The following PDZRN4 variants were observed in gnomAD, a reference collection of about 807,000 sequenced individuals.
PDZRN4 encodes PDZ domain-containing RING finger protein 4.
PDZRN4 carries 70 observed loss-of-function variants against 99.0 expected under a neutral mutation model. That is an observed-to-expected ratio of 0.71 (90% CI 0.58 to 0.86). PDZRN4 has a LOEUF of 0.86. Ranked by LOEUF, PDZRN4 falls within the 40% of genes least tolerant of loss-of-function variation. PDZRN4 has a pLI of 0.00. For missense variants in PDZRN4, 1,474 were observed against 1,331.2 expected (o/e 1.11, Z -1.67); for synonymous variants, 551 against 501.6 (o/e 1.10, Z -1.32).
chr12:41,246,366 A>G (rs1951133847), intron 3 of PDZRN4, among the ~76,000 whole-genome samples: 1 of 152,220 alleles, frequency 6.6e-6, no homozygotes, highest in African/African-American at 2.4e-5. Flanking sequence ...CTATATTGAA[A>G]AGCTGTCATT....
chr12:41,573,013 G>T lies in PDZRN4; in HGVS notation c.2234G>T (p.Cys745Phe). 6.2e-7 allele frequency: 1 copy of T among 1,614,158 alleles called. No homozygotes were observed. Among genetic ancestry groups the T allele is most frequent in the South Asian group, 1.1e-5 (1 of 91,082 alleles). The change falls in exon 10 of 10, where the codon TGC becomes TTC. Residue 745 changes from cysteine (C) to phenylalanine (F), a missense_variant. Transcript: ENST00000402685. Reference sequence around the variant, plus strand: ...AGTGCTTACAACACAGCTGAGAGCTGCAGAAGTACTCCGCTCACTGTAGAC... The same window carrying T: ...AGTGCTTACAACACAGCTGAGAGCTTCAGAAGTACTCCGCTCACTGTAGAC... ...SSSAYNTAES[C>F]RSTPLTVDRS...
At chr12:41,394,289 A>C (rs1038413603) in intron 3 of PDZRN4, among the ~76,000 whole-genome samples, 3 of 152,164 alleles carry the variant, frequency 2.0e-5, no homozygotes, top group African/African-American at 7.2e-5. Flanking sequence ...GGATTTCAGT[A>C]TATGAATCTT....
intron 3 of PDZRN4, among the ~76,000 whole-genome samples, chr12:41,273,594 G>T (rs1951330467): frequency 6.6e-6 from 1 of 151,950 alleles, no homozygotes; most frequent in Admixed American, 6.6e-5. Context: ...TGGAAGTTTT[G>T]ACACTACTCT....
intron 3 of PDZRN4, among the ~76,000 whole-genome samples, chr12:41,376,604 G>A (rs1483293269): frequency 2.6e-5 from 4 of 152,012 alleles, no homozygotes; most frequent in Admixed American, 2.6e-4. Context: ...TGAGTTGTAC[G>A]AGTTTCTAAT....
chr12:41,491,710 A>G (rs987728733), intron 3 of PDZRN4, among the ~76,000 whole-genome samples: 3 of 152,110 alleles, frequency 2.0e-5, no homozygotes, highest in African/African-American at 4.8e-5. Context: ...TTTTAGGATC[A>G]TTGTCTTTAA....
At chr12:41,287,187 G>A (rs1351320146) in intron 3 of PDZRN4, among the ~76,000 whole-genome samples, 2 of 152,150 alleles carry the variant, frequency 1.3e-5, no homozygotes, top group African/African-American at 4.8e-5. Flanking sequence ...GTAACAGAAA[G>A]ACTAAGTTAG....
intron 3 of PDZRN4, among the ~76,000 whole-genome samples, chr12:41,291,850 C>G (rs371289599): frequency 2.4e-4 from 33 of 139,354 alleles, no homozygotes; most frequent in African/African-American, 7.7e-4. Flanking sequence ...CATTTCATTT[C>G]CAAGGAGGCA....
chr12:41,213,427 C>G (rs149817916), intron 3 of PDZRN4, among the ~76,000 whole-genome samples: 1 of 152,090 alleles, frequency 6.6e-6, no homozygotes, highest in East Asian at 1.9e-4. Flanking sequence ...TTTGGTCTAA[C>G]AATAATAATG....
intron 5 of PDZRN4, among the ~76,000 whole-genome samples, chr12:41,536,528 C>G (rs373210446): frequency 1.3e-5 from 2 of 152,042 alleles, no homozygotes; most frequent in South Asian, 2.1e-4. Context: ...TTTGTCCAAA[C>G]CCACAGAATG....
intron 3 of PDZRN4, among the ~76,000 whole-genome samples, chr12:41,226,054 T>G (rs1950992088): frequency 6.6e-6 from 1 of 152,076 alleles, no homozygotes; most frequent in Non-Finnish European, 1.5e-5. Flanking sequence ...AATGATGTCT[T>G]GAAAGGTTCG....
intron 5 of PDZRN4, among the ~76,000 whole-genome samples, chr12:41,518,211 A>G (rs1267544004): frequency 2.0e-5 from 3 of 152,086 alleles, no homozygotes; most frequent in Admixed American, 2.0e-4. Flanking sequence ...TGCATTTACC[A>G]ATATTCACTG....
At position 41,189,515 on chromosome 12, in the gene PDZRN4, C is replaced by G. The variant is rs149118382; in HGVS notation, c.648+412C>G. Among the ~76,000 whole-genome samples, 174 of 152,248 alleles carry G rather than the reference C, an allele frequency of 1.1e-3. 4 individuals carry two copies. In the East Asian group the frequency reaches 0.031, roughly 27 times the overall value. On this transcript the variant is annotated intron_variant, in intron 1 of 9. Coordinates refer to ENST00000402685, the MANE Select transcript of PDZRN4 (RefSeq NM_001164595.2). ...AAAGCGAAGACTTTCCCGGCCCAGC[C>G]TTTCCTCTCCCGCGGCCACCAGCAT... is the stretch of plus-strand genomic sequence containing the variant.
intron 3 of PDZRN4, chr12:41,409,324 A>G (rs901755390): frequency 6.6e-6 from 1 of 151,972 alleles, no homozygotes; most frequent in Non-Finnish European, 1.5e-5. Flanking sequence ...ATCCCCAGGC[A>G]CTCTGGTAGG....
intron 5 of PDZRN4, among the ~76,000 whole-genome samples, chr12:41,547,204 T>A (rs1938969091): frequency 6.6e-6 from 1 of 152,254 alleles, no homozygotes; most frequent in Non-Finnish European, 1.5e-5. Context: ...AGTGTCTTCC[T>A]GGTTTCCTTC....
At chr12:41,313,622 A>G (rs375872449) in intron 3 of PDZRN4, among the ~76,000 whole-genome samples, 2 of 152,304 alleles carry the variant, frequency 1.3e-5, no homozygotes, top group Admixed American at 6.5e-5. Context: ...TTGACTCTCC[A>G]AGAGAAGGAA....
At chr12:41,390,736 G>A (rs543328708) in intron 3 of PDZRN4, among the ~76,000 whole-genome samples, 2 of 152,006 alleles carry the variant, frequency 1.3e-5, no homozygotes, top group African/African-American at 2.4e-5. Flanking sequence ...TGGTCTGCAG[G>A]AGGTAAGATT....
chr12:41,537,929 A>G (rs1317912859), intron 5 of PDZRN4, among the ~76,000 whole-genome samples: 4 of 152,156 alleles, frequency 2.6e-5, no homozygotes, highest in Non-Finnish European at 5.9e-5. Context: ...CAGCAGAAAG[A>G]ACTTCAGGCA....
intron 3 of PDZRN4, among the ~76,000 whole-genome samples, chr12:41,292,715 TA>T (rs1951464333): frequency 6.6e-6 from 1 of 152,190 alleles, no homozygotes; most frequent in African/African-American, 2.4e-5. Flanking sequence ...AGCATGCTGC[TA>T]ATCTGTTGTC....
At chr12:41,276,647 C>T (rs946803499) in intron 3 of PDZRN4, among the ~76,000 whole-genome samples, 2 of 151,950 alleles carry the variant, frequency 1.3e-5, no homozygotes, top group African/African-American at 4.8e-5. Context: ...TAAAACTTAC[C>T]CAAAGTCACA....
Sources: allele counts gnomAD v4.1 joint callset (sites outside exome capture counted in the v4.1 genomes callset), GRCh38; gene constraint gnomAD v4.1.1; transcripts MANE v1.5; gene names NCBI Gene and HGNC (gene_info 2026-07-23, HGNC 2026-07-21).